Variants in TERT observed in about 807,000 individuals in gnomAD.
TERT encodes the protein telomerase catalytic subunit.
A neutral mutation model predicts 104.0 loss-of-function variants in TERT; 42 were observed. The ratio of observed to expected loss-of-function variants is 0.40; its 90% CI spans 0.32 to 0.52. The LOEUF is 0.52. TERT is among the 20% of genes least tolerant of loss of function. The pLI, the probability that TERT is intolerant of heterozygous loss-of-function variation, is 0.43. For missense variants in TERT, 1,101 were observed against 1,610.3 expected (o/e 0.68, Z 5.41); for synonymous variants, 781 against 725.6 (o/e 1.08, Z -1.23).
intron 9 of TERT, among the ~76,000 whole-genome samples, chr5:1,266,815 T>C (rs955505422): frequency 4.6e-5 from 7 of 152,196 alleles, no homozygotes; most frequent in Admixed American, 3.3e-4. Flanking sequence ...GCGGCCCCAC[T>C]TCTCAGACTC....
Position 1,278,655 on chromosome 5 carries a change from C to T in TERT, c.2272G>A (p.Ala758Thr). The change falls in exon 6 of 16, where the codon GCC becomes ACC. Residue 758 changes from alanine to threonine, a missense_variant. Physicochemically the swap from Ala to Thr is moderately conservative, Grantham distance 58 (BLOSUM62 0). Transcript: ENST00000310581. ...QKAAHGHVRK[A>T]FKSHVSTLTD... ...GTGAACCTTACGTGGCTCTTGAAGGCCTTGCGGACGTGCCCATGGGCGGCC... is the reference window on the plus strand; with the variant it reads ...GTGAACCTTACGTGGCTCTTGAAGGTCTTGCGGACGTGCCCATGGGCGGCC... 2 of 1,614,164 alleles carry T rather than the reference C, an allele frequency of 1.2e-6. No individual in the cohort carries two copies. Among genetic ancestry groups the T allele is most frequent in the East Asian group, 2.2e-5 (1 of 44,896 alleles).
intron 12 of TERT, among the ~76,000 whole-genome samples, chr5:1,259,962 G>A (rs542201278): frequency 1.4e-5 from 2 of 146,130 alleles, no homozygotes; most frequent in Non-Finnish European, 1.5e-5. Flanking sequence ...CACAGGAGAG[G>A]GGGAGTGGAC....
At chr5:1,291,365 C>G (rs1223535958) in intron 2 of TERT, among the ~76,000 whole-genome samples, 1 of 100,600 alleles carries the variant, frequency 9.9e-6, no homozygotes, top group Non-Finnish European at 2.0e-5. Flanking sequence ...CCTCACTCAC[C>G]CTGCACGTGA....
intron 9 of TERT, among the ~76,000 whole-genome samples, chr5:1,266,804 C>T (rs34033712): frequency 3.5e-4 from 54 of 152,328 alleles, no homozygotes; most frequent in Admixed American, 1.2e-3. Flanking sequence ...GGCCATCAGG[C>T]GCGGCCCCAC....
chr5:1,254,347 C>G (rs368075423), intron 15 of TERT, 21 bp downstream of exon 15: 2 of 1,612,762 alleles, frequency 1.2e-6, no homozygotes, highest in East Asian at 2.2e-5. Flanking sequence ...GGGGCCCGCA[C>G]TGGCCTCCAC....
In TERT at chr5:1,255,423, G is replaced by A. The variant is rs779481925; in HGVS notation, c.3033-12C>T. 11 of 1,613,854 alleles carry A rather than the reference G, an allele frequency of 6.8e-6. No homozygotes were observed. The highest frequency in any genetic ancestry group is 9.3e-6 in the Non-Finnish European group (11 of 1,180,010). The stretch of plus-strand genomic sequence containing the variant: ...CACATGCGTGAAACCTGAGAGGATG[G>A]CGGACAGCGTCAGAGGAAAGGCCTC... On this transcript the variant is annotated splice_polypyrimidine_tract_variant and intron_variant, in intron 13 of 15. Transcript: ENST00000310581. This position sits in a 1 kb window ranked among gnomAD's most constrained non-coding sequence, Gnocchi z 6.9.
At chr5:1,285,000 GCGACC>G in intron 2 of TERT, among the ~76,000 whole-genome samples, 4 of 138,924 alleles carry the variant, frequency 2.9e-5, no homozygotes, top group Non-Finnish European at 6.2e-5. Context: ...GCAGGGCCTG[GCGACC>G]TCACCCCGGA....
At chr5:1,285,620 AG>A (rs1299459438) in intron 2 of TERT, among the ~76,000 whole-genome samples, 1 of 116,880 alleles carries the variant, frequency 8.6e-6, no homozygotes, top group Non-Finnish European at 1.6e-5. Flanking sequence ...GCCAGGCTGG[AG>A]TGCAGTGGTG....
chr5:1,279,722 C>T (rs35656989), intron 4 of TERT, among the ~76,000 whole-genome samples: 151 of 152,312 alleles, frequency 9.9e-4, no homozygotes, highest in Non-Finnish European at 2.0e-3. Context: ...ACGGGGTCAC[C>T]GCAGCCACCG....
At chr5:1,276,707 C>CCCCACCTACACCACACATGAAAA (rs1206017733) in intron 6 of TERT, among the ~76,000 whole-genome samples, 3 of 46,106 alleles carry the variant, frequency 6.5e-5, no homozygotes, top group Non-Finnish European at 2.8e-4. Context: ...TTCCACCAAT[C>CCCCACCTACACCACACATGAAAA]CCCACCCAGG....
chr5:1,287,821 C>T lies in TERT; in HGVS notation c.1574-5197G>A, dbSNP rs902500019. 4.0e-5 allele frequency among the ~76,000 whole-genome samples: 6 copies of T among 151,842 alleles called. No homozygotes were observed. The highest frequency in any genetic ancestry group is 9.7e-5 in the African/African-American group (4 of 41,296). On this transcript the variant is annotated intron_variant, in intron 2 of 15. Coordinates refer to ENST00000310581, the MANE Select transcript of TERT (RefSeq NM_198253.3). This position sits in a 1 kb window ranked among gnomAD's most constrained non-coding sequence, Gnocchi z 4.3. ...AAGGAGACAGAAGCTTTGCACTGGA[C>T]CTTAATAAGCTGGATATAGTGAACA...
rs1751049886 is a variant in TERT at position 1,292,379 on chromosome 5, C to T, written c.1573+934G>A. 6.6e-6 allele frequency among the ~76,000 whole-genome samples: 1 copy of T among 152,166 alleles called. No individual in the cohort carries two copies. The highest frequency in any genetic ancestry group is 1.5e-5 in the Non-Finnish European group (1 of 68,032). Reference sequence around the variant, plus strand: ...CCCTGAACACCCACAAACACTGTCCCTTCCTCAGCAGGTGGAGCCATCTGC... The same window carrying T: ...CCCTGAACACCCACAAACACTGTCCTTTCCTCAGCAGGTGGAGCCATCTGC... On this transcript the variant is annotated intron_variant, in intron 2 of 15. Coordinates refer to ENST00000310581, the MANE Select transcript of TERT (RefSeq NM_198253.3). The surrounding 1 kb of genome is among the most constrained non-coding windows in gnomAD (Gnocchi z 5.5).
rs373072850 is a variant in TERT, at chr5:1,278,769, T to C, written c.2158A>G (p.Ile720Val). Reference sequence around the variant, plus strand: ...ACCTCCGTGAGCCTGTCCTGGGGGATGGTGTCGTACGCGCCCGTCACATCC... The same window carrying C: ...ACCTCCGTGAGCCTGTCCTGGGGGACGGTGTCGTACGCGCCCGTCACATCC... ...KVDVTGAYDT[I>V]PQDRLTEVIA... Residue 720 changes from isoleucine to valine, a missense_variant, in exon 6 of 16, where the codon ATC (isoleucine) becomes GTC (valine). By Grantham distance (29) the Ile-to-Val change is conservative. This residue lies in a region of TERT where 463 missense variants were observed against 797.5 expected (regional missense o/e 0.58). Coordinates refer to ENST00000310581, the MANE Select transcript of TERT (RefSeq NM_198253.3). The C allele has an allele frequency of 1.9e-6, 3 of 1,614,094 alleles. No individual in the cohort carries two copies. The highest frequency in any genetic ancestry group is 8.5e-7 in the Non-Finnish European group (1 of 1,180,044).
rs373025613 is a variant in TERT, at chr5:1,280,648, C to A, written c.1770-310G>T. Among the ~76,000 whole-genome samples the A allele has an allele frequency of 5.3e-5, 8 of 152,312 alleles. No homozygotes were observed. The South Asian group carries it at 1.7e-3, about 32-fold the overall frequency. ...GCCTGGTCCCAGGCTGCATCTGGGGCCACGTGAACCCATGCCCCTCCACAC... is the reference window on the plus strand; with the variant it reads ...GCCTGGTCCCAGGCTGCATCTGGGGACACGTGAACCCATGCCCCTCCACAC... On this transcript the variant is annotated intron_variant, in intron 3 of 15. Coordinates refer to ENST00000310581, the MANE Select transcript of TERT (RefSeq NM_198253.3).
chr5:1,280,574 G>A (rs908055706), intron 3 of TERT, among the ~76,000 whole-genome samples: 6 of 152,148 alleles, frequency 3.9e-5, no homozygotes, highest in Non-Finnish European at 8.8e-5. Flanking sequence ...GGGACGCCCA[G>A]TCCGGCGGTC....
Position 1,289,363 on chromosome 5 carries a change from G to C in TERT, c.1573+3950C>G, listed in dbSNP as rs545891760. ...TGCCTCACTCACCCTACACGTGACA[G>C]GGACACCCGGGGACGGGGCCTCACT... On this transcript the variant is annotated intron_variant, in intron 2 of 15. Transcript: ENST00000310581. Among the ~76,000 whole-genome samples the C allele has an allele frequency of 8.7e-3, 1,216 of 140,550 alleles. 11 individuals carry two copies. Among genetic ancestry groups the C allele is most frequent in the Non-Finnish European group, 0.013 (819 of 64,144 alleles). The allele number at this position is 140,550 out of a possible 152,430, so 92.2% of individuals were successfully genotyped here. A position where few individuals can be genotyped will look rare whatever the true frequency, so the allele number is the denominator to read the frequency against.
At chr5:1,293,053 T>C (rs1751091554) in intron 2 of TERT, among the ~76,000 whole-genome samples, 1 of 152,236 alleles carries the variant, frequency 6.6e-6, no homozygotes, top group South Asian at 2.1e-4. Flanking sequence ...CAGCCTCCTC[T>C]GTTCACTGCT....
At chr5:1,277,826 C>G (rs1305325374) in intron 6 of TERT, among the ~76,000 whole-genome samples, 4 of 152,150 alleles carry the variant, frequency 2.6e-5, no homozygotes, top group Admixed American at 2.0e-4. Flanking sequence ...TGTGCCTCTC[C>G]CCAGACCGAA....
intron 12 of TERT, 138 bp downstream of exon 12, chr5:1,260,336 G>T: frequency 1.5e-6 from 2 of 1,362,346 alleles, no homozygotes; most frequent in Non-Finnish European, 1.0e-6. Flanking sequence ...ATGTGCTCAC[G>T]TGTATATGCG....
Sources: allele counts gnomAD v4.1 joint callset (sites outside exome capture counted in the v4.1 genomes callset), GRCh38; gene constraint gnomAD v4.1.1; regional missense constraint gnomAD v4.1.1; non-coding constraint Gnocchi (gnomAD v3.1); transcripts MANE v1.5; gene names NCBI Gene and HGNC (gene_info 2026-07-23, HGNC 2026-07-21).